The following SLC16A7 variants were observed in gnomAD, a reference collection of about 807,000 sequenced individuals.
SLC16A7 encodes solute carrier family 16 member 7.
A neutral mutation model predicts 34.9 loss-of-function variants in SLC16A7; 33 were observed. That is an observed-to-expected ratio of 0.94 (90% CI 0.72 to 1.26). The LOEUF is 1.26. Among genes scored for constraint, SLC16A7 ranks in the 50% most tolerant of loss-of-function variants. SLC16A7 has a pLI of 0.00. For missense variants in SLC16A7, 573 were observed against 578.1 expected (o/e 0.99, Z 0.09); for synonymous variants, 201 against 206.6 (o/e 0.97, Z 0.23).
At chr12:59,630,635 G>C (rs1432024750) in intron 1 of SLC16A7, among the ~76,000 whole-genome samples, 1 of 151,896 alleles carries the variant, frequency 6.6e-6, no homozygotes, top group African/African-American at 2.4e-5. Context: ...ATTGCACTAT[G>C]AGAAAACCTA....
intron 1 of SLC16A7, among the ~76,000 whole-genome samples, chr12:59,648,512 A>G (rs1868288264): frequency 1.3e-5 from 2 of 152,174 alleles, no homozygotes; most frequent in African/African-American, 4.8e-5. Context: ...GCCACTTTCT[A>G]AAAACCAACT....
chr12:59,765,102 A>T (rs561864039), intron 3 of SLC16A7, among the ~76,000 whole-genome samples: 47 of 152,222 alleles, frequency 3.1e-4, no homozygotes, highest in African/African-American at 1.1e-3. Flanking sequence ...GCATTTTTTC[A>T]TGTGTTTTTT....
chr12:59,761,029 A>G, intron 3 of SLC16A7: 1 of 442,366 alleles, frequency 2.3e-6, no homozygotes, highest in Non-Finnish European at 4.0e-6. Context: ...TTTTTAAACA[A>G]CTAGTCTTCA....
intron 3 of SLC16A7, among the ~76,000 whole-genome samples, chr12:59,760,529 C>A (rs771975705): frequency 2.2e-4 from 34 of 152,024 alleles, no homozygotes; most frequent in Non-Finnish European, 5.9e-5. Context: ...AGATTAACAA[C>A]AATTCATAAA....
At chr12:59,679,817 A>C (rs116778127) in intron 2 of SLC16A7, among the ~76,000 whole-genome samples, 10,828 of 152,236 alleles carry the variant, frequency 0.071, 432 homozygotes, top group Middle Eastern at 0.17. Flanking sequence ...ACCTTGATTT[A>C]ATCATAAGGG....
At chr12:59,686,126 G>T (rs369201254) in intron 2 of SLC16A7, among the ~76,000 whole-genome samples, 10 of 145,278 alleles carry the variant, frequency 6.9e-5, no homozygotes, top group Admixed American at 4.8e-4. Context: ...TGCAGGGGAG[G>T]GTCCCTGTTC....
chr12:59,616,271 C>T (rs1038132658), intron 1 of SLC16A7, among the ~76,000 whole-genome samples: 1 of 152,128 alleles, frequency 6.6e-6, no homozygotes, highest in Non-Finnish European at 1.5e-5. Context: ...TAAATAACAT[C>T]ATTTTGTGGA....
chr12:59,686,208 T>C (rs1871156981), intron 2 of SLC16A7, among the ~76,000 whole-genome samples: 1 of 151,170 alleles, frequency 6.6e-6, no homozygotes, highest in South Asian at 2.1e-4. Context: ...TTATTTTGAA[T>C]GGCAGTAGCA....
intron 3 of SLC16A7, chr12:59,768,291 G>A (rs1452313190): frequency 2.3e-6 from 1 of 439,848 alleles, no homozygotes; most frequent in South Asian, 1.6e-5. Context: ...CAATCCTCAT[G>A]GGTGACTTTA....
At chr12:59,762,081 C>G (rs1309854583) in intron 3 of SLC16A7, among the ~76,000 whole-genome samples, 1 of 152,052 alleles carries the variant, frequency 6.6e-6, no homozygotes, top group Admixed American at 6.6e-5. Context: ...CTGAATTGTT[C>G]TGTAATGTAA....
intron 1 of SLC16A7, among the ~76,000 whole-genome samples, chr12:59,649,984 A>T (rs541143751): frequency 6.6e-6 from 1 of 152,138 alleles, no homozygotes; most frequent in Non-Finnish European, 1.5e-5. Flanking sequence ...TAAAAATATT[A>T]GTAAAAATTT....
chr12:59,677,740 A>G (rs1870424316), intron 2 of SLC16A7, among the ~76,000 whole-genome samples: 1 of 152,152 alleles, frequency 6.6e-6, no homozygotes, highest in Non-Finnish European at 1.5e-5. Flanking sequence ...TCATTCCCTT[A>G]CTCAAAAACC....
intron 3 of SLC16A7, among the ~76,000 whole-genome samples, chr12:59,758,179 GAAA>G (rs1251588306): frequency 6.6e-6 from 1 of 151,834 alleles, no homozygotes; most frequent in Non-Finnish European, 1.5e-5. Flanking sequence ...AAAAAAATTA[GAAA>G]AAAACTATAC....
chr12:59,714,031 G>C (rs1475026337), intron 3 of SLC16A7, among the ~76,000 whole-genome samples: 12 of 152,194 alleles, frequency 7.9e-5, no homozygotes, highest in Non-Finnish European at 1.6e-4. Context: ...AATGGAAATC[G>C]ATCTCATAAT....
chr12:59,752,547 T>C (rs1879711838), intron 3 of SLC16A7, among the ~76,000 whole-genome samples: 1 of 151,376 alleles, frequency 6.6e-6, no homozygotes, highest in Non-Finnish European at 1.5e-5. Flanking sequence ...AGAAGGGAAG[T>C]TTAGAGAAAA....
intron 3 of SLC16A7, among the ~76,000 whole-genome samples, chr12:59,714,792 T>C (rs755646785): frequency 6.6e-6 from 1 of 152,160 alleles, no homozygotes; most frequent in African/African-American, 2.4e-5. Context: ...CTTGAACTCC[T>C]GACCTCAGGT....
chr12:59,637,046 G>C (rs1017993615), intron 1 of SLC16A7, among the ~76,000 whole-genome samples: 2 of 152,004 alleles, frequency 1.3e-5, no homozygotes, highest in African/African-American at 4.8e-5. Flanking sequence ...TATTAAAAAA[G>C]AAACTGTCAC....
chr12:59,685,775 C>A (rs1871105830), intron 2 of SLC16A7, among the ~76,000 whole-genome samples: 1 of 152,086 alleles, frequency 6.6e-6, no homozygotes, highest in Non-Finnish European at 1.5e-5. Context: ...TGAAAAAAAT[C>A]TTCATGTGAT....
At chr12:59,746,018 T>C (rs1360818937) in intron 3 of SLC16A7, among the ~76,000 whole-genome samples, 1 of 152,238 alleles carries the variant, frequency 6.6e-6, no homozygotes, top group African/African-American at 2.4e-5. Flanking sequence ...TTAGCCTTTA[T>C]TCTGGAGCTA....
Sources: allele counts gnomAD v4.1 joint callset (sites outside exome capture counted in the v4.1 genomes callset), GRCh38; gene constraint gnomAD v4.1.1; transcripts MANE v1.5; gene names NCBI Gene and HGNC (gene_info 2026-07-23, HGNC 2026-07-21).